The following EPS15L1 variants were observed in gnomAD, a reference collection of about 807,000 sequenced individuals.
The protein encoded by EPS15L1 is epidermal growth factor receptor substrate 15-like 1.
Under a neutral mutation model 117.1 loss-of-function variants are expected in EPS15L1, and 43 were observed. The ratio of observed to expected loss-of-function variants is 0.37; its 90% CI spans 0.29 to 0.47. EPS15L1 has a LOEUF of 0.47. Among genes scored for constraint, EPS15L1 ranks in the 20% least tolerant of loss-of-function variants. The pLI is 0.99. For missense variants in EPS15L1, 981 were observed against 1,164.0 expected (o/e 0.84, Z 2.29); for synonymous variants, 459 against 470.5 (o/e 0.98, Z 0.32).
intron 23 of EPS15L1, 22 bp downstream of exon 23, chr19:16,361,757 G>C (rs761046638): frequency 6.2e-7 from 1 of 1,604,134 alleles, no homozygotes; most frequent in Non-Finnish European, 8.5e-7. Context: ...GGGGTGGCCC[G>C]GAGGCGGAGG....
intron 16 of EPS15L1, among the ~76,000 whole-genome samples, chr19:16,396,269 T>C (rs1444881133): frequency 6.6e-6 from 1 of 152,168 alleles, no homozygotes; most frequent in Non-Finnish European, 1.5e-5. Flanking sequence ...CTTTGCAGTT[T>C]TTCTTTTTCT....
chr19:16,367,615 C>G (rs989383442), intron 22 of EPS15L1, among the ~76,000 whole-genome samples: 1 of 151,444 alleles, frequency 6.6e-6, no homozygotes, highest in East Asian at 1.9e-4. Flanking sequence ...CCCTAGCACC[C>G]GGGATCGGGG....
intron 10 of EPS15L1, among the ~76,000 whole-genome samples, chr19:16,419,048 G>A (rs12459821): frequency 0.019 from 2,886 of 152,290 alleles, 95 homozygotes; most frequent in Admixed American, 0.083. Context: ...ACAACTAAGC[G>A]TCCCCTGCCC....
intron 9 of EPS15L1, among the ~76,000 whole-genome samples, chr19:16,421,797 G>A (rs1282973542): frequency 6.6e-6 from 1 of 152,086 alleles, no homozygotes; most frequent in Admixed American, 6.5e-5. Flanking sequence ...ATGGGTTCAA[G>A]CATGCCAGGA....
In EPS15L1 at chr19:16,440,980, C is replaced by T. The variant is rs139702035; in HGVS notation, c.166-71G>A. The T allele has an allele frequency of 1.1e-4, 159 of 1,451,978 alleles. 1 individual carries two copies. In the African/African-American group the frequency reaches 2.0e-3, roughly 18 times the overall value. 89.9% of individuals were successfully genotyped at this position (1,451,978 alleles called of 1,614,324 possible). Reference sequence around the variant, plus strand: ...TCCACGTGTTAACAAAAACCAGAGCCGCCACCACCCCATCACTGGCCTTGC... The same window carrying T: ...TCCACGTGTTAACAAAAACCAGAGCTGCCACCACCCCATCACTGGCCTTGC... On this transcript the variant is annotated intron_variant, in intron 3 of 23. Coordinates refer to ENST00000455140, the MANE Select transcript of EPS15L1 (RefSeq NM_001258374.3).
intron 22 of EPS15L1, among the ~76,000 whole-genome samples, chr19:16,368,807 A>G (rs542321341): frequency 3.9e-5 from 6 of 152,290 alleles, no homozygotes; most frequent in African/African-American, 1.2e-4. Flanking sequence ...TTCACCCTAC[A>G]CAACAGGTGA....
At chr19:16,446,808 G>T (rs915884642) in intron 1 of EPS15L1, among the ~76,000 whole-genome samples, 5 of 152,134 alleles carry the variant, frequency 3.3e-5, no homozygotes, top group Admixed American at 3.3e-4. Context: ...AGGTCAAAAG[G>T]CAACACTCAA....
intron 13 of EPS15L1, among the ~76,000 whole-genome samples, chr19:16,409,976 A>G (rs186097628): frequency 1.2e-3 from 182 of 151,032 alleles, no homozygotes; most frequent in African/African-American, 4.2e-3. Context: ...AGCTATAAAA[A>G]GAACCCAATT....
rs914532651 is a variant in EPS15L1, at chr19:16,404,857, C to A, written c.1267-108G>T. ...GTCCAGGGGAAGCCTCCGAAACCAC[C>A]CACTGTGACCGTGCTCAGGGCCAGC... is the stretch of plus-strand genomic sequence containing the variant. On this transcript the variant is annotated intron_variant, in intron 13 of 23. Coordinates refer to ENST00000455140, the MANE Select transcript of EPS15L1 (RefSeq NM_001258374.3). The surrounding 1 kb of genome is among the most constrained non-coding windows in gnomAD (Gnocchi z 4.2). The A allele has an allele frequency of 4.8e-5, 59 of 1,225,532 alleles. 1 individual carries two copies. The highest frequency in any genetic ancestry group is 3.9e-4 in the Middle Eastern group (2 of 5,078). 75.9% of individuals were successfully genotyped at this position (1,225,532 alleles called of 1,614,324 possible).
rs765991620 is a variant in EPS15L1, at chr19:16,371,291, C to T, written c.2380+5831G>A. ...GTGGCTGCATCCTGTGTGGCACCCCCGGCAGGGAGGTCAAGAACTCACGGC... is the reference window on the plus strand; with the variant it reads ...GTGGCTGCATCCTGTGTGGCACCCCTGGCAGGGAGGTCAAGAACTCACGGC... On this transcript the variant is annotated intron_variant, in intron 22 of 23. Coordinates refer to ENST00000455140, the MANE Select transcript of EPS15L1 (RefSeq NM_001258374.3). The surrounding 1 kb of genome is among the most constrained non-coding windows in gnomAD (Gnocchi z 4.7). 4.6e-5 allele frequency among the ~76,000 whole-genome samples: 7 copies of T among 152,074 alleles called. No individual in the cohort carries two copies. The highest frequency in any genetic ancestry group is 1.9e-4 in the East Asian group (1 of 5,184).
Position 16,404,901 on chromosome 19 carries a change from G to A in EPS15L1, c.1267-152C>T. On this transcript the variant is annotated intron_variant, in intron 13 of 23. Coordinates refer to ENST00000455140, the MANE Select transcript of EPS15L1 (RefSeq NM_001258374.3). The surrounding 1 kb of genome is among the most constrained non-coding windows in gnomAD (Gnocchi z 4.2). ...GGCCAGCATTCCGTGCACACCCACG[G>A]CCAATGTGTGCCTCTTGGGCTGGAG... The A allele has an allele frequency of 2.6e-6, 2 of 781,324 alleles. No individual in the cohort carries two copies. Among genetic ancestry groups the A allele is most frequent in the Non-Finnish European group, 4.1e-6 (2 of 483,166 alleles). 48.4% of individuals were successfully genotyped at this position (781,324 alleles called of 1,614,324 possible).
rs1210019369 is a variant in EPS15L1, at chr19:16,465,986, A to ATT, written c.33+5925_33+5926dup. Among the ~76,000 whole-genome samples, 235 of 126,192 alleles carry ATT rather than the reference A, an allele frequency of 1.9e-3. 4 individuals carry two copies. Among genetic ancestry groups the ATT allele is most frequent in the African/African-American group, 5.4e-3 (179 of 33,390 alleles). 82.8% of individuals were successfully genotyped at this position (126,192 alleles called of 152,430 possible). A position where few individuals can be genotyped will look rare whatever the true frequency, so the allele number is the denominator to read the frequency against. ...AACAATCTCTGGCCTCACTTTATCT[A>ATT]TTTTTTTTTTTTTTTTTTTTGAGAC... On this transcript the variant is annotated intron_variant, in intron 1 of 23. Coordinates refer to ENST00000455140, the MANE Select transcript of EPS15L1 (RefSeq NM_001258374.3).
Position 16,411,674 on chromosome 19 carries a change from CCCCTACCCTAGCA to C in EPS15L1, c.1266+2086_1266+2098del, listed in dbSNP as rs1466357791. On this transcript the variant is annotated intron_variant, in intron 13 of 23. Transcript: ENST00000455140. ...GTGTTTGCATATAACCTACACATGT[CCCCTACCCTAGCA>C]CCACCCCATATTACTTATTCATTTA... Among the ~76,000 whole-genome samples the C allele has an allele frequency of 3.3e-5, 5 of 152,136 alleles. No homozygotes were observed. The East Asian group carries it at 9.6e-4, about 29-fold the overall frequency.
chr19:16,367,972 A>T (rs1332872793), intron 22 of EPS15L1, among the ~76,000 whole-genome samples: 3 of 151,518 alleles, frequency 2.0e-5, no homozygotes, highest in African/African-American at 4.9e-5. Context: ...CATGAGAGTG[A>T]GAGAGAGAGA....
intron 1 of EPS15L1, among the ~76,000 whole-genome samples, chr19:16,458,332 A>G (rs2093216179): frequency 6.6e-6 from 1 of 152,186 alleles, no homozygotes; most frequent in African/African-American, 2.4e-5. Context: ...ACCATGGAGC[A>G]TCATAGTCAG....
chr19:16,391,224 G>C (rs751064173), intron 19 of EPS15L1, among the ~76,000 whole-genome samples: 3 of 151,998 alleles, frequency 2.0e-5, no homozygotes, highest in Non-Finnish European at 4.4e-5. Flanking sequence ...GAAAAAAATA[G>C]AAATAGAAAA....
At chr19:16,372,031 C>T (rs1352410748) in intron 22 of EPS15L1, among the ~76,000 whole-genome samples, 1 of 152,194 alleles carries the variant, frequency 6.6e-6, no homozygotes, top group Non-Finnish European at 1.5e-5. Context: ...CTTGATACAC[C>T]TTTCTTGAAA....
At position 16,471,019 on chromosome 19, in the gene EPS15L1, T is replaced by C. The variant is rs1253558394; in HGVS notation, c.33+894A>G. Among the ~76,000 whole-genome samples the C allele has an allele frequency of 6.6e-6, 1 of 152,198 alleles. No individual in the cohort carries two copies. The highest frequency in any genetic ancestry group is 1.5e-5 in the Non-Finnish European group (1 of 68,036). Reference sequence around the variant, plus strand: ...GGGCTGGAGCCAAGATTTGAACACATGATCTGACCCTGTGTCCTCACTCTT... The same window carrying C: ...GGGCTGGAGCCAAGATTTGAACACACGATCTGACCCTGTGTCCTCACTCTT... On this transcript the variant is annotated intron_variant, in intron 1 of 23. Coordinates refer to ENST00000455140, the MANE Select transcript of EPS15L1 (RefSeq NM_001258374.3). This position sits in a 1 kb window ranked among gnomAD's most constrained non-coding sequence, Gnocchi z 4.8.
intron 4 of EPS15L1, chr19:16,440,564 A>G (rs996943504): frequency 4.4e-5 from 9 of 204,234 alleles, no homozygotes; most frequent in Non-Finnish European, 8.7e-5. Context: ...TGCAACTTCC[A>G]CGAGAGACTG....
Sources: allele counts gnomAD v4.1 joint callset (sites outside exome capture counted in the v4.1 genomes callset), GRCh38; gene constraint gnomAD v4.1.1; non-coding constraint Gnocchi (gnomAD v3.1); transcripts MANE v1.5; gene names NCBI Gene and HGNC (gene_info 2026-07-23, HGNC 2026-07-21).